Variants in ST3GAL1 observed in about 807,000 individuals in gnomAD.
The protein encoded by ST3GAL1 is CMP-N-acetylneuraminate-beta-galactosamide-alpha-2,3-sialyltransferase 1.
A neutral mutation model predicts 34.1 loss-of-function variants in ST3GAL1; 16 were observed. The observed-to-expected ratio is 0.47, with a 90% confidence interval of 0.32 to 0.71. The LOEUF is 0.71. Ranked by LOEUF, ST3GAL1 falls within the 30% of genes least tolerant of loss-of-function variation. The pLI is 0.04. For missense variants in ST3GAL1, 353 were observed against 447.4 expected (o/e 0.79, Z 1.90); for synonymous variants, 191 against 184.7 (o/e 1.03, Z -0.28).
chr8:133,459,972 C>A lies in ST3GAL1; in HGVS notation c.850-35G>T. 1 of 1,576,432 alleles carries A rather than the reference C, an allele frequency of 6.3e-7. No individual in the cohort carries two copies. Among genetic ancestry groups the A allele is most frequent in the Non-Finnish European group, 8.6e-7 (1 of 1,157,244 alleles). On this transcript the variant is annotated intron_variant, in intron 9 of 9. Coordinates refer to ENST00000522652, the MANE Select transcript of ST3GAL1 (RefSeq NM_173344.3). This position sits in a 1 kb window ranked among gnomAD's most constrained non-coding sequence, Gnocchi z 4.7. Reference sequence around the variant, plus strand: ...CAAAGCAAAGATGAGAACCAGACAGCAGGGCTGCTGGTGGCACCTCTGAGA... The same window carrying A: ...CAAAGCAAAGATGAGAACCAGACAGAAGGGCTGCTGGTGGCACCTCTGAGA...
At chr8:133,482,918 A>G (rs996404513) in intron 3 of ST3GAL1, among the ~76,000 whole-genome samples, 1 of 152,252 alleles carries the variant, frequency 6.6e-6, no homozygotes, top group Non-Finnish European at 1.5e-5. Context: ...CAACAACAAC[A>G]ACAACAACAA....
chr8:133,514,529 G>A (rs779469037), intron 2 of ST3GAL1, among the ~76,000 whole-genome samples: 3 of 152,094 alleles, frequency 2.0e-5, no homozygotes, highest in Non-Finnish European at 4.4e-5. Context: ...TCTTACAGCC[G>A]CCAGTCCTTT....
chr8:133,536,977 T>G (rs1818330432), intron 2 of ST3GAL1, among the ~76,000 whole-genome samples: 1 of 152,164 alleles, frequency 6.6e-6, no homozygotes, highest in South Asian at 2.1e-4. Flanking sequence ...AATTTAATTC[T>G]GACACCATCT....
At chr8:133,503,243 C>CA (rs1028980980) in intron 2 of ST3GAL1, among the ~76,000 whole-genome samples, 1 of 152,156 alleles carries the variant, frequency 6.6e-6, no homozygotes, top group Non-Finnish European at 1.5e-5. Context: ...CTAACGCCCC[C>CA]CAACAAACGT....
intron 2 of ST3GAL1, among the ~76,000 whole-genome samples, chr8:133,506,413 T>G (rs1817338712): frequency 6.6e-6 from 1 of 152,134 alleles, no homozygotes; most frequent in Admixed American, 6.5e-5. Flanking sequence ...ATTAAGCAAA[T>G]AAATGGCAGA....
At position 133,569,016 on chromosome 8, in the gene ST3GAL1, C is replaced by T. The variant is rs1184853139; in HGVS notation, c.-582+2677G>A. ...AGAAGGCTGCTCAGAAGGCAGTTTC[C>T]GCCTGCTGCTGCAGAGCTTCGAGGA... is the stretch of plus-strand genomic sequence containing the variant. On this transcript the variant is annotated intron_variant, in intron 1 of 9. Coordinates refer to ENST00000522652, the MANE Select transcript of ST3GAL1 (RefSeq NM_173344.3). 2.6e-5 allele frequency among the ~76,000 whole-genome samples: 4 copies of T among 152,322 alleles called. No homozygotes were observed. In the South Asian group the frequency reaches 6.2e-4, roughly 24 times the overall value.
At chr8:133,520,144 G>T (rs1369314875) in intron 2 of ST3GAL1, among the ~76,000 whole-genome samples, 4 of 152,128 alleles carry the variant, frequency 2.6e-5, no homozygotes, top group Admixed American at 1.3e-4. Flanking sequence ...GTCTACAGCA[G>T]GGAACAAAAC....
At chr8:133,484,901 G>A (rs1490031465) in intron 3 of ST3GAL1, among the ~76,000 whole-genome samples, 2 of 152,146 alleles carry the variant, frequency 1.3e-5, no homozygotes, top group African/African-American at 4.8e-5. Flanking sequence ...TGCTCCCTGG[G>A]TATCACGCAC....
At chr8:133,511,396 TTGGCCTACAA>T (rs1817493689) in intron 2 of ST3GAL1, among the ~76,000 whole-genome samples, 1 of 152,242 alleles carries the variant, frequency 6.6e-6, no homozygotes, top group Admixed American at 6.5e-5. Context: ...TGACTGGCCC[TTGGCCTACAA>T]TGGCTAACAT....
At chr8:133,559,840 T>G (rs891667692) in intron 1 of ST3GAL1, among the ~76,000 whole-genome samples, 1 of 152,196 alleles carries the variant, frequency 6.6e-6, no homozygotes, top group African/African-American at 2.4e-5. Flanking sequence ...TCAGCCTTCC[T>G]GCTCAGTCCT....
rs368497595 is a variant in ST3GAL1, at chr8:133,461,999, G to C, written c.730-5C>G. 6.2e-7 allele frequency: 1 copy of C among 1,613,930 alleles called. No individual in the cohort carries two copies. The highest frequency in any genetic ancestry group is 8.5e-7 in the Non-Finnish European group (1 of 1,179,982). On this transcript the variant is annotated splice_region_variant and splice_polypyrimidine_tract_variant and intron_variant, in intron 8 of 9. Coordinates refer to ENST00000522652, the MANE Select transcript of ST3GAL1 (RefSeq NM_173344.3). This position sits in a 1 kb window ranked among gnomAD's most constrained non-coding sequence, Gnocchi z 4.7. ...GGCTGGGTGGTAGATCAGGATCTGC[G>C]GGGATGGGAAGACACGGCCCTTAGT... is the stretch of plus-strand genomic sequence containing the variant.
chr8:133,462,035 G>C, intron 8 of ST3GAL1, 41 bp from the exon 9 acceptor site: 1 of 1,612,974 alleles, frequency 6.2e-7, no homozygotes, highest in Non-Finnish European at 8.5e-7. Context: ...GAGTTCTGGG[G>C]GGCAAAGGAC....
chr8:133,481,156 G>A (rs952888430), intron 3 of ST3GAL1, among the ~76,000 whole-genome samples: 16 of 152,184 alleles, frequency 1.1e-4, no homozygotes, highest in Admixed American at 2.0e-4. Context: ...GTTGCTGTTT[G>A]TATTGTGTAT....
chr8:133,541,537 G>A (rs560675947), intron 2 of ST3GAL1, among the ~76,000 whole-genome samples: 1 of 152,182 alleles, frequency 6.6e-6, no homozygotes, highest in South Asian at 2.1e-4. Context: ...CCTCCTAACA[G>A]GACTCCATCT....
chr8:133,541,120 TAGAG>T lies in ST3GAL1; in HGVS notation c.-429+4650_-429+4653del, dbSNP rs1554618899. ...ACATATATATATATATATATATATATAGAGAGAGAGAGAGAGAGAGAGAGAGAGA... is the reference window on the plus strand; with the variant it reads ...ACATATATATATATATATATATATATAGAGAGAGAGAGAGAGAGAGAGAGA... On this transcript the variant is annotated intron_variant, in intron 2 of 9. Coordinates refer to ENST00000522652, the MANE Select transcript of ST3GAL1 (RefSeq NM_173344.3). 2.9e-4 allele frequency among the ~76,000 whole-genome samples: 14 copies of T among 48,646 alleles called. 2 individuals are homozygous for T. The highest frequency in any genetic ancestry group is 1.0e-3 in the East Asian group (2 of 1,952). The allele number at this position is 48,646 out of a possible 152,430, so 31.9% of individuals were successfully genotyped here.
intron 7 of ST3GAL1, 97 bp downstream of exon 7, chr8:133,464,681 A>AC (rs1815658432): frequency 7.1e-7 from 1 of 1,398,690 alleles, no homozygotes. Flanking sequence ...GAGGGGAGGC[A>AC]CCCCGGTGGA....
chr8:133,476,309 G>T lies in ST3GAL1; in HGVS notation c.-82C>A. On this transcript the variant is annotated 5_prime_UTR_variant, in exon 4 of 10. Transcript: ENST00000522652. ...AGAAAATAAAGTAGCCTATTCTTCT[G>T]CAATCCTTAAAGAGCTGATAATGTC... 1 of 315,846 alleles carries T rather than the reference G, an allele frequency of 3.2e-6. No homozygotes were observed. Among genetic ancestry groups the T allele is most frequent in the East Asian group, 5.9e-5 (1 of 16,860 alleles). 19.6% of individuals were successfully genotyped at this position (315,846 alleles called of 1,614,324 possible). A position where few individuals can be genotyped will look rare whatever the true frequency, so the allele number is the denominator to read the frequency against.
chr8:133,502,817 C>A (rs1047440774), intron 2 of ST3GAL1, among the ~76,000 whole-genome samples: 4 of 152,206 alleles, frequency 2.6e-5, no homozygotes, highest in Non-Finnish European at 5.9e-5. Flanking sequence ...GTGTGGCCAA[C>A]TGCATTATGC....
rs1234381958 is a variant in ST3GAL1, at chr8:133,476,588, G to GGTTGTC, written c.-367_-362dup. ...CAACCAGCTTGATGAAGGCACAGAA[G>GGTTGTC]GTTGTCTGTCATCTGCAAAGAAAAG... On this transcript the variant is annotated 5_prime_UTR_variant, in exon 4 of 10. Transcript: ENST00000522652. 6.6e-6 allele frequency: 1 copy of GGTTGTC among 152,224 alleles called. No homozygotes were observed. Among genetic ancestry groups the GGTTGTC allele is most frequent in the Non-Finnish European group, 1.5e-5 (1 of 68,072 alleles). The allele number at this position is 152,224 out of a possible 1,614,324, so 9.4% of individuals were successfully genotyped here.
Sources: gnomAD v4.1 joint callset for allele counts (sites outside exome capture counted in the v4.1 genomes callset) on GRCh38, gnomAD v4.1.1 for gene constraint, Gnocchi (gnomAD v3.1) non-coding constraint, MANE v1.5 for transcripts, NCBI Gene and HGNC (gene_info 2026-07-23, HGNC 2026-07-21) for gene names.